Variants in FBXO31 observed in about 807,000 individuals in gnomAD.
The protein encoded by FBXO31 is F-box protein 31.
A neutral mutation model predicts 54.4 loss-of-function variants in FBXO31; 24 were observed. The observed-to-expected ratio is 0.44, with a 90% CI of 0.32 to 0.62. The LOEUF (loss-of-function observed/expected upper bound fraction) is 0.62. FBXO31 is among the 20% of genes least tolerant of loss of function. The pLI, the probability that FBXO31 is intolerant of heterozygous loss-of-function variation, is 0.05. For missense variants in FBXO31, 665 were observed against 787.1 expected (o/e 0.84, Z 1.86); for synonymous variants, 388 against 335.6 (o/e 1.16, Z -1.71).
intron 2 of FBXO31, among the ~76,000 whole-genome samples, chr16:87,352,883 C>T (rs376160731): frequency 3.9e-5 from 6 of 152,206 alleles, no homozygotes; most frequent in East Asian, 3.9e-4. Context: ...GCCCAGGCGC[C>T]GGCACATCTG....
intron 1 of FBXO31, among the ~76,000 whole-genome samples, chr16:87,370,409 C>T (rs1906548309): frequency 6.6e-6 from 1 of 152,242 alleles, no homozygotes; most frequent in Non-Finnish European, 1.5e-5. Context: ...AGAAAGGCAC[C>T]ACACTAAGAT....
chr16:87,390,530 T>C (rs1220232257), upstream of FBXO31, among the ~76,000 whole-genome samples: 3 of 151,748 alleles, frequency 2.0e-5, no homozygotes, highest in African/African-American at 7.3e-5. Flanking sequence ...AACCTCTGCC[T>C]TCCGGTTTCA....
chr16:87,392,085 CAG>C, upstream of FBXO31: 1 of 238,284 alleles, frequency 4.2e-6, no homozygotes, highest in Non-Finnish European at 8.1e-6. Flanking sequence ...ACCGTCACCT[CAG>C]GGGCCTCAGG....
chr16:87,370,445 C>T lies in FBXO31; in HGVS notation c.341-10079G>A, dbSNP rs528796217. 3.3e-5 allele frequency among the ~76,000 whole-genome samples: 5 copies of T among 152,342 alleles called. No homozygotes were observed. The South Asian group carries it at 6.2e-4, about 19-fold the overall frequency. Reference sequence around the variant, plus strand: ...GCCATCTGGGGCAACTTGGCAGGTGCCTGAGTGTGGAGAGAGCTTTGCCCA... The same window carrying T: ...GCCATCTGGGGCAACTTGGCAGGTGTCTGAGTGTGGAGAGAGCTTTGCCCA... On this transcript the variant is annotated intron_variant, in intron 1 of 8. Coordinates refer to ENST00000311635, the MANE Select transcript of FBXO31 (RefSeq NM_024735.5).
chr16:87,374,885 A>G (rs1235239780), intron 1 of FBXO31, among the ~76,000 whole-genome samples: 1 of 152,242 alleles, frequency 6.6e-6, no homozygotes, highest in Non-Finnish European at 1.5e-5. Flanking sequence ...GAAGTAGCTC[A>G]TAAATGAACA....
Position 87,334,105 on chromosome 16 carries a change from C to T in FBXO31, c.1178G>A (p.Gly393Asp). The T allele has an allele frequency of 6.2e-7, 1 of 1,610,326 alleles. No individual in the cohort carries two copies. The highest frequency in any genetic ancestry group is 8.5e-7 in the Non-Finnish European group (1 of 1,178,460). ...EGGHEAGEGR[G>D]RQGPRESQPS... is the part of the protein sequence containing the mutation. ...CTGGGACTCCCGGGGGCCCTGCCGG[C>T]CACGACCCTCGCCCGCCTCGTGCCC... The change falls in exon 8 of 9, where the codon GGC becomes GAC. Residue 393 changes from glycine (G) to aspartate (D), a missense_variant. Physicochemically the swap from Gly to Asp is moderately conservative, Grantham distance 94. Around this residue, in one of 4 missense-constraint regions of FBXO31, gnomAD observed 165 missense variants for 159.7 expected, o/e 1.03. Transcript: ENST00000311635.
chr16:87,347,308 C>A (rs945328244), intron 2 of FBXO31, 58 bp from the exon 3 acceptor site: 1 of 1,473,318 alleles, frequency 6.8e-7, no homozygotes, highest in Non-Finnish European at 9.5e-7. Flanking sequence ...CGCAGGGAGC[C>A]CAGGAACCCC....
chr16:87,350,638 G>T (rs775664216), intron 2 of FBXO31, among the ~76,000 whole-genome samples: 1 of 152,124 alleles, frequency 6.6e-6, no homozygotes, highest in African/African-American at 2.4e-5. Flanking sequence ...ACTGCTGGGC[G>T]GCTGGGTGAT....
At chr16:87,337,423 C>T (rs984067446) in intron 5 of FBXO31, among the ~76,000 whole-genome samples, 1 of 152,222 alleles carries the variant, frequency 6.6e-6, no homozygotes, top group Non-Finnish European at 1.5e-5. Context: ...ACTACACAGA[C>T]TGGACTCGCC....
chr16:87,362,059 G>A (rs1420485599), intron 1 of FBXO31, among the ~76,000 whole-genome samples: 2 of 152,204 alleles, frequency 1.3e-5, no homozygotes, highest in African/African-American at 4.8e-5. Flanking sequence ...GTTCTTTGGA[G>A]AAGAAAACAG....
chr16:87,375,558 C>T (rs1459062544), intron 1 of FBXO31, among the ~76,000 whole-genome samples: 1 of 152,134 alleles, frequency 6.6e-6, no homozygotes, highest in Non-Finnish European at 1.5e-5. Context: ...AACACATCAA[C>T]TAAAAGGGCA....
chr16:87,346,777 G>C lies in FBXO31; in HGVS notation c.489+397C>G, dbSNP rs1019609565. 6.6e-6 allele frequency among the ~76,000 whole-genome samples: 1 copy of C among 152,182 alleles called. No individual in the cohort carries two copies. Among genetic ancestry groups the C allele is most frequent in the Non-Finnish European group, 1.5e-5 (1 of 68,036 alleles). ...GGGTGGTCAGAGCGGGTCCACAGCA[G>C]AACCCAAGGAAACAGACGTCAGAGT... On this transcript the variant is annotated intron_variant, in intron 3 of 8. Coordinates refer to ENST00000311635, the MANE Select transcript of FBXO31 (RefSeq NM_024735.5). This position sits in a 1 kb window ranked among gnomAD's most constrained non-coding sequence, Gnocchi z 4.2.
intron 2 of FBXO31, among the ~76,000 whole-genome samples, chr16:87,351,075 G>A (rs745759068): frequency 1.1e-4 from 17 of 152,212 alleles, no homozygotes; most frequent in Admixed American, 2.6e-4. Flanking sequence ...GAGAAACAGC[G>A]TGGCCAGATG....
At position 87,335,421 on chromosome 16, in the gene FBXO31, G is replaced by A. The variant is rs756095912; in HGVS notation, c.879C>T (p.Pro293=). Residue 293 remains proline (P), a synonymous_variant, in exon 7 of 9, where the codon CCC becomes CCT. Coordinates refer to ENST00000311635, the MANE Select transcript of FBXO31 (RefSeq NM_024735.5). The surrounding 1 kb of genome is among the most constrained non-coding windows in gnomAD (Gnocchi z 5.7). ...GCTTGATGAGGTCGTCGGGGCGGCT[G>A]GGCGGCAGGTAGATGCGGCGGTAGG... ...CLTYRRIYLP[P]SRPDDLIKPG... is the part of the protein sequence containing the mutation. 3 of 1,613,614 alleles carry A rather than the reference G, an allele frequency of 1.9e-6. No individual in the cohort carries two copies. Among genetic ancestry groups the A allele is most frequent in the African/African-American group, 1.3e-5 (1 of 75,052 alleles).
upstream of FBXO31, among the ~76,000 whole-genome samples, chr16:87,385,366 G>C (rs1442173937): frequency 6.6e-6 from 1 of 151,774 alleles, no homozygotes; most frequent in Admixed American, 6.6e-5. Context: ...GCTGAGGCAG[G>C]AGAATGGTGT....
intron 1 of FBXO31, among the ~76,000 whole-genome samples, chr16:87,381,550 A>T (rs916169171): frequency 6.6e-6 from 1 of 152,214 alleles, no homozygotes; most frequent in African/African-American, 2.4e-5. Context: ...GCTGACTCCA[A>T]ATCAGGGGCC....
At chr16:87,370,438 G>T (rs1567485314) in intron 1 of FBXO31, among the ~76,000 whole-genome samples, 1 of 152,260 alleles carries the variant, frequency 6.6e-6, no homozygotes, top group Non-Finnish European at 1.5e-5. Context: ...GGGCAACTTG[G>T]CAGGTGCCTG....
chr16:87,360,610 T>A (rs1377971434), intron 1 of FBXO31, among the ~76,000 whole-genome samples: 1 of 152,254 alleles, frequency 6.6e-6, no homozygotes, highest in Non-Finnish European at 1.5e-5. Context: ...CTGCAATGTC[T>A]ATTCTAATAA....
intron 2 of FBXO31, among the ~76,000 whole-genome samples, chr16:87,350,510 A>G (rs1030002997): frequency 5.3e-5 from 8 of 152,172 alleles, no homozygotes; most frequent in African/African-American, 7.2e-5. Flanking sequence ...CAGGAACCAT[A>G]AACACACACT....
Sources: allele counts gnomAD v4.1 joint callset (sites outside exome capture counted in the v4.1 genomes callset), GRCh38; gene constraint gnomAD v4.1.1; regional missense constraint gnomAD v4.1.1; non-coding constraint Gnocchi (gnomAD v3.1); transcripts MANE v1.5; gene names NCBI Gene and HGNC (gene_info 2026-07-23, HGNC 2026-07-21).